The following SMCHD1 variants were observed in gnomAD, a reference collection of about 807,000 sequenced individuals.
SMCHD1 encodes the protein structural maintenance of chromosomes flexible hinge domain containing 1.
Under a neutral mutation model 254.7 loss-of-function variants are expected in SMCHD1, and 78 were observed. That is an observed-to-expected ratio of 0.31 (90% CI 0.26 to 0.37). SMCHD1 has a LOEUF of 0.37. SMCHD1 is among the 10% of genes least tolerant of loss of function. The pLI, the probability that SMCHD1 is intolerant of heterozygous loss-of-function variation, is 1.00. For missense variants in SMCHD1, 1,840 were observed against 2,408.1 expected, an observed-to-expected ratio of 0.76 and a Z score of 4.94; for synonymous variants, 766 against 794.9, an observed-to-expected ratio of 0.96 and a Z score of 0.61.
intron 44 of SMCHD1, among the ~76,000 whole-genome samples, chr18:2,781,735 A>G (rs528115201): frequency 1.1e-4 from 16 of 152,320 alleles, no homozygotes; most frequent in African/African-American, 3.8e-4. Flanking sequence ...ATTAAATACT[A>G]ACTGAACAGG....
chr18:2,776,066 C>A, intron 42 of SMCHD1, 142 bp downstream of exon 42: 1 of 712,042 alleles, frequency 1.4e-6, no homozygotes, highest in South Asian at 2.1e-5. Context: ...TTGTCTTCAT[C>A]ACAAATGGGC....
intron 1 of SMCHD1, among the ~76,000 whole-genome samples, chr18:2,664,684 T>C (rs985428737): frequency 6.6e-6 from 1 of 152,188 alleles, no homozygotes; most frequent in Non-Finnish European, 1.5e-5. Flanking sequence ...TGTGTGGGTG[T>C]TTCACCCACT....
At chr18:2,754,783 T>C (rs1376246830) in intron 34 of SMCHD1, among the ~76,000 whole-genome samples, 1 of 152,050 alleles carries the variant, frequency 6.6e-6, no homozygotes, top group Non-Finnish European at 1.5e-5. Context: ...GATAGCACTT[T>C]AGGTTTGCTG....
Position 2,656,118 on chromosome 18 carries a change from G to T in SMCHD1, c.43G>T (p.Gly15Trp), listed in dbSNP as rs750240803. Reference protein sequence around the residue: ...DGGGPGGASVGTEEDGGGVGH... With the variant: ...DGGGPGGASVWTEEDGGGVGH... ...CGGCGGGCCTGGTGGGGCCTCTGTG[G>T]GGACTGAGGAGGATGGCGGAGGCGT... The change falls in exon 1 of 48, where the codon GGG becomes TGG. Residue 15 changes from glycine (G) to tryptophan (W), a missense_variant. This residue lies in a region of SMCHD1 where 115 missense variants were observed against 99.1 expected (regional missense o/e 1.16). Transcript: ENST00000320876. 2.6e-5 allele frequency: 38 copies of T among 1,463,788 alleles called. 1 individual carries two copies. In the Admixed American group the frequency reaches 1.1e-3, roughly 41 times the overall value. 90.7% of individuals were successfully genotyped at this position (1,463,788 alleles called of 1,614,324 possible). A position where few individuals can be genotyped will look rare whatever the true frequency, so the allele number is the denominator to read the frequency against.
At chr18:2,695,240 C>T (rs1568162248) in intron 8 of SMCHD1, among the ~76,000 whole-genome samples, 2 of 151,738 alleles carry the variant, frequency 1.3e-5, no homozygotes, top group African/African-American at 2.4e-5. Context: ...ATTCCAGTAA[C>T]ACTTGTAGGG....
intron 9 of SMCHD1, among the ~76,000 whole-genome samples, chr18:2,697,455 A>T (rs2143149460): frequency 6.6e-6 from 1 of 152,330 alleles, no homozygotes; most frequent in East Asian, 1.9e-4. Context: ...TATCGTGGTG[A>T]CAAGGTTTAG....
chr18:2,779,908 A>G (rs2076126272), intron 44 of SMCHD1, among the ~76,000 whole-genome samples: 1 of 152,096 alleles, frequency 6.6e-6, no homozygotes, highest in Non-Finnish European at 1.5e-5. Flanking sequence ...CTAGAACTAA[A>G]CTGGTATGAG....
chr18:2,765,389 TTTG>T (rs1222215038), intron 37 of SMCHD1, among the ~76,000 whole-genome samples: 3 of 152,202 alleles, frequency 2.0e-5, no homozygotes, highest in African/African-American at 7.2e-5. Flanking sequence ...TTCTTGTATT[TTTG>T]TTGTTGTTCA....
chr18:2,779,930 T>G (rs1337230757), intron 44 of SMCHD1, among the ~76,000 whole-genome samples: 1 of 152,162 alleles, frequency 6.6e-6, no homozygotes, highest in African/African-American at 2.4e-5. Flanking sequence ...AATTTTTCTT[T>G]GGGCCTCGTT....
At chr18:2,664,983 T>C (rs1054103147) in intron 1 of SMCHD1, among the ~76,000 whole-genome samples, 4 of 152,214 alleles carry the variant, frequency 2.6e-5, no homozygotes, top group Non-Finnish European at 4.4e-5. Context: ...TTTATTAATA[T>C]CATTTTTGAA....
At chr18:2,687,761 G>C (rs889728107) in intron 5 of SMCHD1, among the ~76,000 whole-genome samples, 3 of 151,958 alleles carry the variant, frequency 2.0e-5, no homozygotes, top group African/African-American at 7.3e-5. Context: ...CTGTGGTTAC[G>C]TTCTTTGCAT....
intron 5 of SMCHD1, among the ~76,000 whole-genome samples, chr18:2,679,480 C>CAAAAAAAAAAAAAAAAAAAAAAA (rs59034633): frequency 3.4e-5 from 2 of 58,696 alleles, no homozygotes; most frequent in East Asian, 1.1e-3. Flanking sequence ...ACTCCATCTC[C>CAAAAAAAAAAAAAAAAAAAAAAA]AAAAAAAAAA....
chr18:2,673,969 A>G (rs1208319744), intron 4 of SMCHD1, 46 bp from the exon 5 acceptor site: 1 of 1,525,630 alleles, frequency 6.6e-7, no homozygotes, highest in Non-Finnish European at 8.8e-7. Flanking sequence ...TGTTTTAAGT[A>G]TTGATTTGAC....
chr18:2,764,431 A>T (rs1480741144), intron 37 of SMCHD1, among the ~76,000 whole-genome samples: 2 of 152,188 alleles, frequency 1.3e-5, no homozygotes, highest in African/African-American at 4.8e-5. Flanking sequence ...GTAAGCCTAC[A>T]TCATTGTATA....
chr18:2,731,259 A>G (rs1481945915), intron 24 of SMCHD1, among the ~76,000 whole-genome samples: 2 of 152,204 alleles, frequency 1.3e-5, no homozygotes, highest in Non-Finnish European at 2.9e-5. Context: ...TAAGATTATA[A>G]AGGTATTTTA....
At chr18:2,719,376 ACCTCTGCCT>A (rs1013284302) in intron 19 of SMCHD1, among the ~76,000 whole-genome samples, 9 of 150,798 alleles carry the variant, frequency 6.0e-5, no homozygotes, top group African/African-American at 2.2e-4. Flanking sequence ...GCTGGCTGCA[ACCTCTGCCT>A]CCCAGGTTCA....
chr18:2,712,217 T>C (rs2074693985), intron 17 of SMCHD1, among the ~76,000 whole-genome samples: 1 of 143,302 alleles, frequency 7.0e-6, no homozygotes, highest in Non-Finnish European at 1.5e-5. Flanking sequence ...TTTTGGTCTG[T>C]AGTTTTCTTT....
At chr18:2,740,005 A>T (rs2075318849) in intron 27 of SMCHD1, among the ~76,000 whole-genome samples, 1 of 151,686 alleles carries the variant, frequency 6.6e-6, no homozygotes. Flanking sequence ...ACATAGGTAT[A>T]CACGTGCCAT....
Position 2,714,733 on chromosome 18 carries a change from A to G in SMCHD1, c.2261-3425A>G, listed in dbSNP as rs148479037. 9.7e-4 allele frequency among the ~76,000 whole-genome samples: 148 copies of G among 151,860 alleles called. 1 individual carries two copies. Among genetic ancestry groups the G allele is most frequent in the African/African-American group, 3.6e-3 (148 of 41,362 alleles). ...GAACTCCTTTGACTGTTCCTTGTAG[A>G]TCTGGTTTAGGGGTAGTGAATTTCT... is the stretch of plus-strand genomic sequence containing the variant. On this transcript the variant is annotated intron_variant, in intron 17 of 47. Coordinates refer to ENST00000320876, the MANE Select transcript of SMCHD1 (RefSeq NM_015295.3).
Sources: gnomAD v4.1 joint callset for allele counts (sites outside exome capture counted in the v4.1 genomes callset) on GRCh38, gnomAD v4.1.1 for gene constraint, gnomAD v4.1.1 regional missense constraint, MANE v1.5 for transcripts, NCBI Gene and HGNC (gene_info 2026-07-23, HGNC 2026-07-21) for gene names.